PHF20: variants seen among roughly 807,000 people sequenced by gnomAD.
PHF20 encodes the protein PHD finger protein 20.
PHF20 carries 23 observed loss-of-function variants against 113.5 expected under a neutral mutation model. That is an observed-to-expected ratio of 0.20 (90% CI 0.15 to 0.29). The LOEUF (loss-of-function observed/expected upper bound fraction) is 0.29. PHF20 is among the 10% of genes least tolerant of loss of function. The pLI, the probability that PHF20 is intolerant of heterozygous loss-of-function variation, is 1.00. For synonymous variants in PHF20, 434 were observed against 457.3 expected, an observed-to-expected ratio of 0.95 and a Z score of 0.65; for missense variants, 943 against 1,219.6, an observed-to-expected ratio of 0.77 and a Z score of 3.38.
In PHF20 at chr20:35,837,745, G is replaced by T. The variant is rs181149039; in HGVS notation, c.84-4828G>T. On this transcript the variant is annotated intron_variant, in intron 2 of 17. Coordinates refer to ENST00000374012, the MANE Select transcript of PHF20 (RefSeq NM_016436.5). Reference sequence around the variant, plus strand: ...TAATCCCTTCCAAGACTTAGAATTGGCTGGTCAGATCAAAAGCACTTAATA... The same window carrying T: ...TAATCCCTTCCAAGACTTAGAATTGTCTGGTCAGATCAAAAGCACTTAATA... Among the ~76,000 whole-genome samples the T allele has an allele frequency of 1.3e-3, 195 of 152,322 alleles. 1 individual carries two copies. Among genetic ancestry groups the T allele is most frequent in the East Asian group, 2.1e-3 (11 of 5,194 alleles).
chr20:35,903,482 G>T (rs2055142460), intron 10 of PHF20, among the ~76,000 whole-genome samples: 1 of 152,170 alleles, frequency 6.6e-6, no homozygotes, highest in East Asian at 1.9e-4. Flanking sequence ...TACCCTCTCA[G>T]TGAGGGCACA....
intron 4 of PHF20, among the ~76,000 whole-genome samples, chr20:35,857,246 C>G (rs1164474192): frequency 6.6e-6 from 1 of 152,112 alleles, no homozygotes; most frequent in African/African-American, 2.4e-5. Context: ...CTCTAAGATG[C>G]AAAATTTGAA....
At chr20:35,804,997 G>A (rs529244185) in intron 2 of PHF20, among the ~76,000 whole-genome samples, 11 of 152,030 alleles carry the variant, frequency 7.2e-5, no homozygotes, top group African/African-American at 2.7e-4. Context: ...CGCCTCCCAG[G>A]TTCAAGCGAT....
At chr20:35,868,458 A>ATTTT (rs112363613) in intron 6 of PHF20, among the ~76,000 whole-genome samples, 3 of 148,358 alleles carry the variant, frequency 2.0e-5, no homozygotes, top group African/African-American at 7.5e-5. Flanking sequence ...AAAAAAAAAA[A>ATTTT]TTTTGCTAGG....
intron 9 of PHF20, among the ~76,000 whole-genome samples, chr20:35,886,054 T>A (rs1180514355): frequency 6.6e-6 from 1 of 152,128 alleles, no homozygotes; most frequent in Non-Finnish European, 1.5e-5. Context: ...TGGATTCTTA[T>A]GTCGTTCTAT....
intron 2 of PHF20, among the ~76,000 whole-genome samples, chr20:35,827,397 C>T (rs560575325): frequency 5.9e-5 from 9 of 152,336 alleles, no homozygotes; most frequent in African/African-American, 1.9e-4. Context: ...GGGCTAGCCA[C>T]GCAGTTAAGT....
intron 1 of PHF20, chr20:35,774,563 G>C (rs1292869888): frequency 6.6e-6 from 1 of 152,234 alleles, no homozygotes; most frequent in Non-Finnish European, 1.5e-5. Flanking sequence ...AGTGCTTGGG[G>C]ATAATGATAC....
At chr20:35,804,316 C>T (rs1284948503) in intron 2 of PHF20, among the ~76,000 whole-genome samples, 1 of 149,382 alleles carries the variant, frequency 6.7e-6, no homozygotes, top group East Asian at 2.0e-4. Flanking sequence ...TCACTGCAAG[C>T]ACTGCCTCCT....
chr20:35,843,814 G>A (rs1287439567), intron 3 of PHF20, among the ~76,000 whole-genome samples: 2 of 152,194 alleles, frequency 1.3e-5, no homozygotes, highest in African/African-American at 4.8e-5. Flanking sequence ...CCGGGCTCAA[G>A]TGATCCTCCC....
intron 10 of PHF20, among the ~76,000 whole-genome samples, chr20:35,911,985 T>C (rs1045446614): frequency 7.5e-5 from 11 of 147,380 alleles, no homozygotes; most frequent in South Asian, 2.2e-4. Context: ...TTCTTTCTTT[T>C]TTTTTTTTTT....
chr20:35,943,173 A>C (rs2056019728), intron 17 of PHF20, among the ~76,000 whole-genome samples: 1 of 152,008 alleles, frequency 6.6e-6, no homozygotes, highest in African/African-American at 2.4e-5. Context: ...TGGATGTAAC[A>C]TTCCTTTTTT....
In PHF20 at chr20:35,774,010, C is replaced by G. The variant is rs943446359; in HGVS notation, c.-33+1931C>G. Among the ~76,000 whole-genome samples, 17 of 151,712 alleles carry G rather than the reference C, an allele frequency of 1.1e-4. 1 individual carries two copies. Among genetic ancestry groups the G allele is most frequent in the Admixed American group, 1.1e-3 (17 of 15,212 alleles). On this transcript the variant is annotated intron_variant, in intron 1 of 17. Coordinates refer to ENST00000374012, the MANE Select transcript of PHF20 (RefSeq NM_016436.5). ...GTCGTTTGGAGGAATCCCTTGGATACTCTTTTTGTTCTTGTCCCTGGGGTG... is the reference window on the plus strand; with the variant it reads ...GTCGTTTGGAGGAATCCCTTGGATAGTCTTTTTGTTCTTGTCCCTGGGGTG...
In PHF20 at chr20:35,931,410, C is replaced by G; in HGVS notation, c.2266C>G (p.Leu756Val). ...TGATGTGCAGAGAGTGATTGAGGTT[C>G]TGCATGGCCTGCAGCTCAAGATGAG... is the stretch of plus-strand genomic sequence containing the variant. ...LGDVQRVIEVLHGLQLKMSIL... is the reference protein window; with the variant it reads ...LGDVQRVIEVVHGLQLKMSIL... The change falls in exon 15 of 18, where the codon CTG becomes GTG. Residue 756 changes from leucine (L) to valine (V), a missense_variant. By Grantham distance (32) the Leu-to-Val change is conservative. Transcript: ENST00000374012. 1 of 1,613,494 alleles carries G rather than the reference C, an allele frequency of 6.2e-7. No individual in the cohort carries two copies. The highest frequency in any genetic ancestry group is 8.5e-7 in the Non-Finnish European group (1 of 1,179,712).
intron 9 of PHF20, among the ~76,000 whole-genome samples, chr20:35,881,413 C>T (rs1291798945): frequency 2.6e-5 from 4 of 151,338 alleles, no homozygotes; most frequent in African/African-American, 4.9e-5. Context: ...TGGTGGTGTG[C>T]GCCTGTAATC....
Position 35,863,413 on chromosome 20 carries a change from A to G in PHF20, c.808+13A>G. 1 of 1,575,298 alleles carries G rather than the reference A, an allele frequency of 6.3e-7. No homozygotes were observed. The highest frequency in any genetic ancestry group is 8.6e-7 in the Non-Finnish European group (1 of 1,165,950). ...ATAGCTCCTACTGGTGAGTTTTTTA[A>G]GTGGGCTCTGCAATGGGCAATGCCA... On this transcript the variant is annotated intron_variant, in intron 6 of 17. Transcript: ENST00000374012.
intron 9 of PHF20, among the ~76,000 whole-genome samples, chr20:35,883,494 A>G (rs1444596082): frequency 1.3e-5 from 2 of 152,194 alleles, no homozygotes; most frequent in African/African-American, 2.4e-5. Flanking sequence ...GCTGGAATGC[A>G]GTGGCGCTGT....
At position 35,863,398 on chromosome 20, in the gene PHF20, C is replaced by G; in HGVS notation, c.806C>G (p.Thr269Ser). 6.3e-7 allele frequency: 1 copy of G among 1,585,258 alleles called. No individual in the cohort carries two copies. Among genetic ancestry groups the G allele is most frequent in the Non-Finnish European group, 8.5e-7 (1 of 1,170,318 alleles). Residue 269 changes from threonine (T) to serine (S), a missense_variant and splice_region_variant, in exon 6 of 18, where the codon ACT (threonine) becomes AGT (serine). This residue lies in a region of PHF20 where 592 missense variants were observed against 787.2 expected (regional missense o/e 0.75). Coordinates refer to ENST00000374012, the MANE Select transcript of PHF20 (RefSeq NM_016436.5). ...KRGRPPSIAP[T>S]AVDSNSQTLQ... ...GGCAGACCCCCTTCCATAGCTCCTA[C>G]TGGTGAGTTTTTTAAGTGGGCTCTG...
chr20:35,908,793 A>G (rs531258187), intron 10 of PHF20, among the ~76,000 whole-genome samples: 4 of 152,238 alleles, frequency 2.6e-5, no homozygotes, highest in Non-Finnish European at 5.9e-5. Context: ...CATTGGAGCC[A>G]TACAGATCTC....
At chr20:35,774,825 C>G (rs1312637616) in intron 1 of PHF20, 1 of 152,210 alleles carries the variant, frequency 6.6e-6, no homozygotes, top group African/African-American at 2.4e-5. Context: ...TGGAGAAGTG[C>G]TCTGAACTCA....
Sources: gnomAD v4.1 joint callset for allele counts (sites outside exome capture counted in the v4.1 genomes callset) on GRCh38, gnomAD v4.1.1 for gene constraint, gnomAD v4.1.1 regional missense constraint, MANE v1.5 for transcripts, NCBI Gene and HGNC (gene_info 2026-07-23, HGNC 2026-07-21) for gene names.